Variants in TCHP observed in about 807,000 individuals in gnomAD.
TCHP encodes trichoplein keratin filament binding, also known as trichoplein keratin filament-binding protein.
A neutral mutation model predicts 88.7 loss-of-function variants in TCHP; 81 were observed. That is an observed-to-expected ratio of 0.91 (90% confidence interval 0.76 to 1.10). The LOEUF is 1.10. TCHP is among the 50% of genes least tolerant of loss of function. The probability of loss-of-function intolerance (pLI) is 0.00; values close to 1 mark genes in which losing one functional copy is unlikely to be tolerated. For missense variants in TCHP, 641 were observed against 632.1 expected (o/e 1.01, Z -0.15); for synonymous variants, 232 against 232.5 (o/e 1.00, Z 0.02).
At position 109,911,108 on chromosome 12, in the gene TCHP, G is replaced by T. The variant is rs538057194; in HGVS notation, c.925G>T (p.Glu309Ter). ...GCAGGCCCTCCTCGAGAAGGAGGAC[G>T]AGAGCCAGCGCCTCCACCTGGCCAG... ...ILQALLEKED[E>*]SQRLHLARRE... is the part of the protein sequence containing the mutation. Residue 309 changes from glutamate to a stop codon, truncating the protein, a stop_gained, in exon 9 of 13, where the codon GAG becomes TAG. Transcript: ENST00000405876. LOFTEE classifies it high-confidence loss of function. The T allele has an allele frequency of 3.8e-6, 6 of 1,596,246 alleles. No homozygotes were observed. Among genetic ancestry groups the T allele is most frequent in the Middle Eastern group, 1.8e-4 (1 of 5,580 alleles).
At chr12:109,894,312 T>G in the TCHP span, among the ~76,000 whole-genome samples, 1 of 149,698 alleles carries the variant, frequency 6.7e-6, no homozygotes, top group East Asian at 2.0e-4. Flanking sequence ...ACAAAAAAAT[T>G]AGCCGGGCGT....
chr12:109,907,521 T>A lies in TCHP; in HGVS notation c.526-5T>A. ...ATTGACCTGTGTTCATTTGGTCCCT[T>A]GTAGCAAGAAGCCACCGCAGAGCAA... On this transcript the variant is annotated splice_polypyrimidine_tract_variant and splice_region_variant and intron_variant, in intron 5 of 12. Transcript: ENST00000405876. The A allele has an allele frequency of 1.9e-6, 3 of 1,613,916 alleles. No individual in the cohort carries two copies. Among genetic ancestry groups the A allele is most frequent in the Non-Finnish European group, 1.7e-6 (2 of 1,179,894 alleles).
chr12:109,890,664 G>A, the TCHP span, among the ~76,000 whole-genome samples: 1 of 151,866 alleles, frequency 6.6e-6, no homozygotes, highest in East Asian at 1.9e-4. Context: ...TGCATGCCAC[G>A]ACGCCCAGCT....
the TCHP span, among the ~76,000 whole-genome samples, chr12:109,881,858 C>G: frequency 6.6e-6 from 1 of 152,202 alleles, no homozygotes; most frequent in Non-Finnish European, 1.5e-5. Flanking sequence ...ATCTAACACA[C>G]CATTGTTGAG....
Position 109,907,950 on chromosome 12 carries a change from C to T in TCHP, c.699+251C>T, listed in dbSNP as rs529357820. On this transcript the variant is annotated intron_variant, in intron 6 of 12. Transcript: ENST00000405876. Reference sequence around the variant, plus strand: ...TAGCTGTTCTCTTAGAGGTGGTTAGCGGCCTGCTGTTGGAGAACCTTCTTA... The same window carrying T: ...TAGCTGTTCTCTTAGAGGTGGTTAGTGGCCTGCTGTTGGAGAACCTTCTTA... Among the ~76,000 whole-genome samples the T allele has an allele frequency of 4.6e-5, 7 of 152,316 alleles. No individual in the cohort carries two copies. In the South Asian group the frequency reaches 6.2e-4, roughly 14 times the overall value.
the TCHP span, among the ~76,000 whole-genome samples, chr12:109,886,943 G>A: frequency 3.3e-5 from 5 of 151,806 alleles, no homozygotes; most frequent in South Asian, 2.1e-4. Context: ...TCCTGACCTC[G>A]TGCTCCACCA....
chr12:109,914,815 A>G, intron 11 of TCHP, 188 bp downstream of exon 11: 1 of 559,310 alleles, frequency 1.8e-6, no homozygotes, highest in Non-Finnish European at 3.2e-6. Context: ...CACATCCTCC[A>G]TGTCGTGTGG....
In TCHP at chr12:109,908,628, C is replaced by T. The variant is rs568089091; in HGVS notation, c.742C>T (p.Arg248Trp). 1.1e-5 allele frequency: 17 copies of T among 1,603,016 alleles called. No homozygotes were observed. In the East Asian group the frequency reaches 1.1e-4, roughly 11 times the overall value. The change falls in exon 7 of 13, where the codon CGG (arginine) becomes TGG (tryptophan). Residue 248 changes from arginine (R) to tryptophan (W), a missense_variant. Transcript: ENST00000405876. ...GGAGCAGGAGAATCTGTTGAAGCAG[C>T]GGTGGGAGCTAGAGAGGCTGGAGGA... ...KKEQENLLKQRWELERLEEER... is the reference protein window; with the variant it reads ...KKEQENLLKQWWELERLEEER...
Position 109,907,568 on chromosome 12 carries a change from G to T in TCHP, c.568G>T (p.Glu190Ter). The T allele has an allele frequency of 6.2e-7, 1 of 1,614,242 alleles. No homozygotes were observed. The highest frequency in any genetic ancestry group is 8.5e-7 in the Non-Finnish European group (1 of 1,180,046). Residue 190 changes from glutamate (E) to a stop codon, truncating the protein, a stop_gained, in exon 6 of 13, where the codon GAA becomes TAA. Coordinates refer to ENST00000405876, the MANE Select transcript of TCHP (RefSeq NM_001143852.2). LOFTEE classifies it high-confidence loss of function. The stretch of plus-strand genomic sequence containing the variant: ...GCAAGAGAACAAACGGTATGAAAAT[G>T]AATATGAAAGGGCCCGAAGGGAGGC... ...AEQENKRYENEYERARREALE... is the reference protein window; with the variant it reads ...AEQENKRYEN
chr12:109,890,720 G>A, the TCHP span, among the ~76,000 whole-genome samples: 6 of 152,212 alleles, frequency 3.9e-5, no homozygotes, highest in East Asian at 5.8e-4. Context: ...ACGTTGGCCA[G>A]GCTGGTGTTG....
Position 109,903,260 on chromosome 12 carries a change from G to A in TCHP, c.188+46G>A, listed in dbSNP as rs571541149. 1.5e-5 allele frequency: 23 copies of A among 1,545,502 alleles called. No homozygotes were observed. The highest frequency in any genetic ancestry group is 3.5e-4 in the Middle Eastern group (2 of 5,746). ...GATTGGATGGAAGTGGGGACCACTT[G>A]CTGGTCAGGGGATGAGGCCTTAAGG... On this transcript the variant is annotated intron_variant, in intron 2 of 12. Transcript: ENST00000405876. The surrounding 1 kb of genome is among the most constrained non-coding windows in gnomAD (Gnocchi z 4.6).
At chr12:109,912,833 A>T (rs1224919097) in intron 9 of TCHP, 158 bp from the exon 10 acceptor site, 2 of 641,762 alleles carry the variant, frequency 3.1e-6, no homozygotes, top group Non-Finnish European at 2.8e-6. Flanking sequence ...CTTTCCGTGG[A>T]TGCTGTCCTT....
At chr12:109,898,975 T>C (rs2136062336), upstream of TCHP, among the ~76,000 whole-genome samples, 1 of 152,196 alleles carries the variant, frequency 6.6e-6, no homozygotes, top group Non-Finnish European at 1.5e-5. Flanking sequence ...TCTGCCATCA[T>C]GCCCGGCTAA....
intron 11 of TCHP, chr12:109,914,950 C>A: frequency 2.5e-6 from 1 of 400,332 alleles, no homozygotes; most frequent in Non-Finnish European, 4.6e-6. Flanking sequence ...GTCCTCCAAA[C>A]ACCTGGCCAC....
chr12:109,892,056 G>A, the TCHP span, among the ~76,000 whole-genome samples: 23 of 152,160 alleles, frequency 1.5e-4, no homozygotes, highest in East Asian at 2.9e-3. Flanking sequence ...GCGTGGTGGC[G>A]CATGCCTGTA....
the TCHP span, among the ~76,000 whole-genome samples, chr12:109,892,763 T>TGCCCAACTACTCTAAGC: frequency 6.6e-6 from 1 of 152,318 alleles, no homozygotes; most frequent in East Asian, 1.9e-4. Flanking sequence ...ATCAGAGTGC[T>TGCCCAACTACTCTAAGC]CTGCCCAACT....
the TCHP span, among the ~76,000 whole-genome samples, chr12:109,892,792 G>T: frequency 6.6e-6 from 1 of 152,288 alleles, no homozygotes; most frequent in East Asian, 1.9e-4. Context: ...CCTCAGTGGG[G>T]TTACTCTAAC....
the TCHP span, among the ~76,000 whole-genome samples, chr12:109,881,080 T>C: frequency 6.6e-6 from 1 of 152,194 alleles, no homozygotes; most frequent in Non-Finnish European, 1.5e-5. Flanking sequence ...TCCCGAAATC[T>C]GGGGTCCAGT....
At chr12:109,914,816 T>G (rs1479726067) in intron 11 of TCHP, 189 bp downstream of exon 11, 1 of 559,760 alleles carries the variant, frequency 1.8e-6, no homozygotes, top group Non-Finnish European at 3.2e-6. Flanking sequence ...ACATCCTCCA[T>G]GTCGTGTGGG....
Sources: allele counts gnomAD v4.1 joint callset (sites outside exome capture counted in the v4.1 genomes callset), GRCh38; gene constraint gnomAD v4.1.1; non-coding constraint Gnocchi (gnomAD v3.1); transcripts MANE v1.5; gene names NCBI Gene and HGNC (gene_info 2026-07-23, HGNC 2026-07-21).